The following CTNNB1 variants were observed in gnomAD, a reference collection of about 807,000 sequenced individuals.
CTNNB1 encodes the protein catenin beta 1, also known as catenin beta-1.
Under a neutral mutation model 82.5 loss-of-function variants are expected in CTNNB1, and 6 were observed. That is an observed-to-expected ratio of 0.07 (90% confidence interval 0.04 to 0.14). The LOEUF is 0.14. CTNNB1 is among the 10% of genes least tolerant of loss of function. The pLI is 1.00. For synonymous variants in CTNNB1, 312 were observed against 329.7 expected, an observed-to-expected ratio of 0.95 and a Z score of 0.58; for missense variants, 529 against 980.4, an observed-to-expected ratio of 0.54 and a Z score of 6.15.
chr3:41,203,818 A>T (rs916294680), intron 1 of CTNNB1, among the ~76,000 whole-genome samples: 1 of 152,332 alleles, frequency 6.6e-6, no homozygotes, highest in East Asian at 1.9e-4. Context: ...CTGAAAATCC[A>T]TGTTTCAAAT....
rs147467729 is a variant in CTNNB1, at chr3:41,207,616, T to C, written c.-49+7946T>C. On this transcript the variant is annotated intron_variant, in intron 1 of 14. Coordinates refer to ENST00000349496, the MANE Select transcript of CTNNB1 (RefSeq NM_001904.4). ...TGCCTTTTCAAGGACATTGTTACTT[T>C]AGTTACACTGGCTCTTCTGTTTTAA... Among the ~76,000 whole-genome samples, 244 of 152,360 alleles carry C rather than the reference T, an allele frequency of 1.6e-3. 1 individual carries two copies. The highest frequency in any genetic ancestry group is 5.2e-3 in the African/African-American group (218 of 41,574).
At chr3:41,229,876 C>CTCTGTGTGTG (rs1553631294) in intron 7 of CTNNB1, among the ~76,000 whole-genome samples, 1 of 147,130 alleles carries the variant, frequency 6.8e-6, no homozygotes, top group African/African-American at 2.5e-5. Context: ...CTCTTGGGTT[C>CTCTGTGTGTG]TGTGTGTGTG....
chr3:41,224,339 G>A, intron 2 of CTNNB1, 187 bp from the exon 3 acceptor site: 1 of 708,014 alleles, frequency 1.4e-6, no homozygotes. Flanking sequence ...ACTGTTAGGT[G>A]GTTCCCTAAG....
chr3:41,231,810 C>T (rs2078316018), intron 7 of CTNNB1, among the ~76,000 whole-genome samples: 1 of 152,078 alleles, frequency 6.6e-6, no homozygotes, highest in Non-Finnish European at 1.5e-5. Flanking sequence ...AACTCAATAG[C>T]AAAGGGCAGA....
chr3:41,233,235 ACT>A, intron 7 of CTNNB1, 104 bp from the exon 8 acceptor site: 4 of 926,964 alleles, frequency 4.3e-6, no homozygotes, highest in Admixed American at 3.9e-5. Context: ...AAGGAAGTAA[ACT>A]CTGGAAATAC....
At position 41,239,217 on chromosome 3, in the gene CTNNB1, G is replaced by A. The variant is rs1308020513; in HGVS notation, c.2221G>A (p.Gly741Ser). The A allele has an allele frequency of 1.2e-6, 2 of 1,614,182 alleles. No homozygotes were observed. Among genetic ancestry groups the A allele is most frequent in the South Asian group, 1.1e-5 (1 of 91,082 alleles). Residue 741 changes from glycine to serine, a missense_variant, in exon 15 of 15, where the codon GGC becomes AGC. Physicochemically the swap from Gly to Ser is moderately conservative, Grantham distance 56. Transcript: ENST00000349496. ...CCCCATGATGGAACATGAGATGGGTGGCCACCACCCTGGTGCTGACTATCC... is the reference window on the plus strand; with the variant it reads ...CCCCATGATGGAACATGAGATGGGTAGCCACCACCCTGGTGCTGACTATCC... ...MDPMMEHEMG[G>S]HHPGADYPVD...
intron 10 of CTNNB1, 35 bp downstream of exon 10, chr3:41,234,332 AAAAG>A (rs768920645): frequency 1.2e-6 from 2 of 1,609,788 alleles, no homozygotes; most frequent in Non-Finnish European, 8.5e-7. Context: ...CTGGCTATCT[AAAAG>A]GAATGCATAA....
intron 7 of CTNNB1, among the ~76,000 whole-genome samples, chr3:41,227,771 C>T (rs1420458478): frequency 6.6e-6 from 1 of 152,080 alleles, no homozygotes; most frequent in East Asian, 1.9e-4. Flanking sequence ...AATGTGCAGG[C>T]TTGTTATATA....
At chr3:41,222,249 T>C (rs1169238940) in intron 1 of CTNNB1, 1 of 152,236 alleles carries the variant, frequency 6.6e-6, no homozygotes, top group Non-Finnish European at 1.5e-5. Flanking sequence ...GGAGCAGGGT[T>C]CTGCCCTAGG....
intron 1 of CTNNB1, among the ~76,000 whole-genome samples, chr3:41,211,309 G>A (rs2077780429): frequency 1.3e-5 from 2 of 152,148 alleles, no homozygotes; most frequent in South Asian, 4.1e-4. Flanking sequence ...TGTGATGCAT[G>A]TCTTCATATC....
chr3:41,214,168 CT>C (rs1025744190), intron 1 of CTNNB1, among the ~76,000 whole-genome samples: 2 of 152,100 alleles, frequency 1.3e-5, no homozygotes, highest in Non-Finnish European at 2.9e-5. Context: ...TATGGTTTGA[CT>C]TTAGCTATGG....
chr3:41,208,811 G>GT (rs2125591473), intron 1 of CTNNB1, among the ~76,000 whole-genome samples: 1 of 152,148 alleles, frequency 6.6e-6, no homozygotes, highest in African/African-American at 2.4e-5. Context: ...TATTACTGTG[G>GT]TATCTCTCTT....
intron 7 of CTNNB1, among the ~76,000 whole-genome samples, chr3:41,231,094 G>C (rs923321851): frequency 1.3e-5 from 2 of 152,178 alleles, no homozygotes; most frequent in Admixed American, 1.3e-4. Flanking sequence ...TTGGGAGGCT[G>C]AGGTGGGCGG....
chr3:41,231,173 A>G (rs1038325786), intron 7 of CTNNB1, among the ~76,000 whole-genome samples: 1 of 152,268 alleles, frequency 6.6e-6, no homozygotes, highest in Non-Finnish European at 1.5e-5. Flanking sequence ...TAAAAATACA[A>G]AAAGTTAGCC....
rs2125639432 is a variant in CTNNB1, at chr3:41,233,651, G to A, written c.1308G>A (p.Met436Ile). The change falls in exon 9 of 15, where the codon ATG (methionine) becomes ATA (isoleucine). Residue 436 changes from methionine (M) to isoleucine (I), a missense_variant. Coordinates refer to ENST00000349496, the MANE Select transcript of CTNNB1 (RefSeq NM_001904.4). ...CTTGCAATAATTATAAGAACAAGAT[G>A]ATGGTCTGCCAAGTGGGTGGTATAG... ...NLTCNNYKNK[M>I]MVCQVGGIEA... 1 of 1,614,192 alleles carries A rather than the reference G, an allele frequency of 6.2e-7. No homozygotes were observed.
At chr3:41,238,872 C>T (rs2078504266) in intron 14 of CTNNB1, among the ~76,000 whole-genome samples, 1 of 152,166 alleles carries the variant, frequency 6.6e-6, no homozygotes, top group African/African-American at 2.4e-5. Context: ...CAGGGTTAGA[C>T]TAATGATGTG....
chr3:41,235,562 T>C (rs1228937720), intron 10 of CTNNB1, 162 bp from the exon 11 acceptor site: 1 of 908,852 alleles, frequency 1.1e-6, no homozygotes, highest in Non-Finnish European at 1.7e-6. Flanking sequence ...GGAGGCCTCT[T>C]TTCAGTGACA....
At chr3:41,238,150 T>C (rs527638683) in intron 14 of CTNNB1, 74 bp downstream of exon 14, 26 of 1,362,998 alleles carry the variant, frequency 1.9e-5, no homozygotes, top group Non-Finnish European at 2.4e-5. Flanking sequence ...AGAGCCGGTT[T>C]GCTCATCTGG....
chr3:41,234,013 ATTCT>A (rs1305570100), intron 9 of CTNNB1, 122 bp from the exon 10 acceptor site: 7 of 1,448,242 alleles, frequency 4.8e-6, no homozygotes, highest in Non-Finnish European at 6.8e-6. Flanking sequence ...TAGGGGTAAG[ATTCT>A]GAAATGTTTG....
Sources: gnomAD v4.1 joint callset for allele counts (sites outside exome capture counted in the v4.1 genomes callset) on GRCh38, gnomAD v4.1.1 for gene constraint, MANE v1.5 for transcripts, NCBI Gene and HGNC (gene_info 2026-07-23, HGNC 2026-07-21) for gene names.